HCST: variants seen among roughly 807,000 people sequenced by gnomAD.
The protein encoded by HCST is DNAX-activation protein 10.
Under a neutral mutation model 10.8 loss-of-function variants are expected in HCST, and 12 were observed. That is an observed-to-expected ratio of 1.12 (90% CI 0.72 to 1.81). The LOEUF is 1.81. HCST is among the 40% of genes most tolerant of loss of function. The pLI is 0.00. For synonymous variants in HCST, 59 were observed against 51.6 expected, an observed-to-expected ratio of 1.14 and a Z score of -0.61; for missense variants, 102 against 117.9, an observed-to-expected ratio of 0.87 and a Z score of 0.62.
intron 2 of HCST, 175 bp from the exon 3 acceptor site, chr19:35,903,597 G>A (rs1975636960): frequency 1.9e-6 from 2 of 1,076,254 alleles, no homozygotes. Context: ...CAGCCCCGAG[G>A]GTCCTGGGAC....
intron 1 of HCST, 53 bp from the exon 2 acceptor site, chr19:35,903,296 TTC>T (rs1975627766): frequency 1.3e-6 from 2 of 1,487,870 alleles, no homozygotes; most frequent in East Asian, 4.5e-5. Flanking sequence ...AGGCTGAGCA[TTC>T]TGTTTTGTGG....
Position 35,903,796 on chromosome 19 carries a change from T to C in HCST, c.134T>C (p.Leu45Pro), listed in dbSNP as rs1599636726. Residue 45 changes from leucine (L) to proline (P), a missense_variant, in exon 3 of 4, where the codon CTC becomes CCC. Physicochemically the swap from Leu to Pro is moderately conservative, Grantham distance 98 (BLOSUM62 -3). Coordinates refer to ENST00000246551, the MANE Select transcript of HCST (RefSeq NM_014266.4). ...GGCTCTTGTTCCGGATGTGGGTCCC[T>C]CTCTCTGCCGCTCCTGGCAGGCCTC... is the stretch of plus-strand genomic sequence containing the variant. Reference protein sequence around the residue: ...TSGSCSGCGSLSLPLLAGLVA... With the variant: ...TSGSCSGCGSPSLPLLAGLVA... 2.5e-6 allele frequency: 4 copies of C among 1,613,942 alleles called. No homozygotes were observed. Among genetic ancestry groups the C allele is most frequent in the Middle Eastern group, 1.6e-4 (1 of 6,080 alleles).
In HCST at chr19:35,904,342, C is replaced by T; in HGVS notation, c.*182C>T. On this transcript the variant is annotated 3_prime_UTR_variant, in exon 4 of 4. Transcript: ENST00000246551. ...CCCTCCCATGAACTGTTTCTGGATC[C>T]AAGGCCCCCTCAGAACCCCCACATG... is the stretch of plus-strand genomic sequence containing the variant. 1 of 825,112 alleles carries T rather than the reference C, an allele frequency of 1.2e-6. No individual in the cohort carries two copies. The highest frequency in any genetic ancestry group is 2.0e-6 in the Non-Finnish European group (1 of 496,382). 51.1% of individuals were successfully genotyped at this position (825,112 alleles called of 1,614,324 possible).
chr19:35,903,206 G>A (rs984626947), intron 1 of HCST, 145 bp from the exon 2 acceptor site: 11 of 668,242 alleles, frequency 1.6e-5, no homozygotes, highest in Non-Finnish European at 3.0e-5. Context: ...GCCCAGGCTG[G>A]TCTCGAACTC....
At chr19:35,902,869 C>G (rs549266930) in intron 1 of HCST, 1 of 546,256 alleles carries the variant, frequency 1.8e-6, no homozygotes, top group South Asian at 2.3e-5. Flanking sequence ...TCTCTGCTGC[C>G]ACTTCCAATT....
chr19:35,903,033 CAGGCTGG>C, intron 1 of HCST: 1 of 439,176 alleles, frequency 2.3e-6, no homozygotes. Context: ...CTCTGTTGTC[CAGGCTGG>C]AGTGCAGTGG....
Position 35,902,601 on chromosome 19 carries a change from A to T in HCST, c.8A>T (p.His3Leu). The change falls in exon 1 of 4, where the codon CAT (histidine) becomes CTT (leucine). Residue 3 changes from histidine (H) to leucine (L), a missense_variant. Coordinates refer to ENST00000246551, the MANE Select transcript of HCST (RefSeq NM_014266.4). The part of the protein sequence containing the change: MI[H>L]LGHILFLLLL... Reference sequence around the variant, plus strand: ...GCCAGACCCCAGTCCACCATGATCCATCTGGGTCACATCCTCTTCCTGCTT... The same window carrying T: ...GCCAGACCCCAGTCCACCATGATCCTTCTGGGTCACATCCTCTTCCTGCTT... 1 of 1,614,120 alleles carries T rather than the reference A, an allele frequency of 6.2e-7. No homozygotes were observed. Among genetic ancestry groups the T allele is most frequent in the Admixed American group, 1.7e-5 (1 of 60,006 alleles).
intron 1 of HCST, 169 bp downstream of exon 1, chr19:35,902,805 G>T: frequency 1.5e-6 from 1 of 661,878 alleles, no homozygotes; most frequent in Non-Finnish European, 2.6e-6. Context: ...GGAAGGGGGT[G>T]AGACAGGGAG....
chr19:35,904,086 G>A, intron 3 of HCST, 34 bp from the exon 4 acceptor site: 2 of 1,613,352 alleles, frequency 1.2e-6, no homozygotes, highest in Non-Finnish European at 1.7e-6. Context: ...GATATGGGTG[G>A]TCAAGCTTCA....
At chr19:35,903,243 G>A (rs372573477) in intron 1 of HCST, 108 bp from the exon 2 acceptor site, 3 of 906,996 alleles carry the variant, frequency 3.3e-6, no homozygotes, top group South Asian at 2.7e-5. Flanking sequence ...TTCCTGCCTC[G>A]GCCTCCCAAA....
Position 35,902,934 on chromosome 19 carries a change from C to A in HCST, c.43+298C>A, listed in dbSNP as rs1339588266. On this transcript the variant is annotated intron_variant, in intron 1 of 3. Transcript: ENST00000246551. ...CCCTTCCCATGTGGTCCTGTTCCAT[C>A]TCTCCAGCCTGGAGATTACTTCTCA... 2.5e-5 allele frequency: 12 copies of A among 470,932 alleles called. 1 individual carries two copies. The South Asian group carries it at 3.1e-4, about 12-fold the overall frequency. The allele number at this position is 470,932 out of a possible 1,614,324, so 29.2% of individuals were successfully genotyped here.
intron 1 of HCST, 191 bp downstream of exon 1, chr19:35,902,827 C>A: frequency 1.7e-6 from 1 of 594,174 alleles, no homozygotes; most frequent in Non-Finnish European, 3.0e-6. Flanking sequence ...TCTGGAGGGG[C>A]TGCCTGTTAG....
At chr19:35,902,711 G>A (rs371857449) in intron 1 of HCST, 75 bp downstream of exon 1, 308 of 1,466,044 alleles carry the variant, frequency 2.1e-4, no homozygotes, top group Non-Finnish European at 1.1e-4. Context: ...CTGCAGGGAC[G>A]GGTGATGAAA....
At chr19:35,903,471 T>A in intron 2 of HCST, 55 bp downstream of exon 2, 1 of 1,461,504 alleles carries the variant, frequency 6.8e-7, no homozygotes, top group African/African-American at 1.4e-5. Flanking sequence ...CCCCAGTGGT[T>A]CTCCAGGTCA....
intron 3 of HCST, 45 bp downstream of exon 3, chr19:35,903,948 T>TAGGGAGGGGGTCCC (rs2146983218): frequency 6.3e-7 from 1 of 1,587,328 alleles, no homozygotes; most frequent in Non-Finnish European, 8.6e-7. Flanking sequence ...ATAGTGTCCC[T>TAGGGAGGGGGTCCC]AGGGAGGGGG....
intron 1 of HCST, chr19:35,903,009 G>T (rs1163379494): frequency 4.8e-6 from 2 of 416,846 alleles, no homozygotes; most frequent in Non-Finnish European, 8.8e-6. Flanking sequence ...TGTTTATTTT[G>T]AGATGGGGTC....
Position 35,904,216 on chromosome 19 carries a change from G to A in HCST, c.*56G>A, listed in dbSNP as rs1173553035. ...ACCCTCTCATCCTGGATGGTGTGTG[G>A]TGGCACAGGAACCCCCGCCCCAACT... On this transcript the variant is annotated 3_prime_UTR_variant, in exon 4 of 4. Coordinates refer to ENST00000246551, the MANE Select transcript of HCST (RefSeq NM_014266.4). 1.3e-6 allele frequency: 2 copies of A among 1,561,042 alleles called. No individual in the cohort carries two copies. The highest frequency in any genetic ancestry group is 1.8e-6 in the Non-Finnish European group (2 of 1,133,768).
intron 2 of HCST, 176 bp from the exon 3 acceptor site, chr19:35,903,596 G>A: frequency 9.3e-7 from 1 of 1,071,026 alleles, no homozygotes; most frequent in South Asian, 1.4e-5. Context: ...ACAGCCCCGA[G>A]GGTCCTGGGA....
chr19:35,903,540 C>A, intron 2 of HCST, 124 bp downstream of exon 2: 2 of 1,066,474 alleles, frequency 1.9e-6, no homozygotes, highest in Non-Finnish European at 2.9e-6. Flanking sequence ...GTCCCAGAAT[C>A]AGCGACCCCC....
Sources: allele counts gnomAD v4.1 joint callset, GRCh38; gene constraint gnomAD v4.1.1; transcripts MANE v1.5; gene names NCBI Gene and HGNC (gene_info 2026-07-23, HGNC 2026-07-21).